The following SIRPG variants were observed in gnomAD, a reference collection of about 807,000 sequenced individuals.
SIRPG encodes signal-regulatory protein gamma.
Under a neutral mutation model 35.7 loss-of-function variants are expected in SIRPG, and 38 were observed. That is an observed-to-expected ratio of 1.06 (90% CI 0.82 to 1.40). The LOEUF (loss-of-function observed/expected upper bound fraction) is 1.40, where lower values mean the gene tolerates loss of function less well. Ranked by LOEUF, SIRPG falls within the 40% of genes most tolerant of loss-of-function variation. The pLI, the probability that SIRPG is intolerant of heterozygous loss-of-function variation, is 0.00. For missense variants in SIRPG, 519 were observed against 483.0 expected (o/e 1.07, Z -0.70); for synonymous variants, 215 against 190.4 (o/e 1.13, Z -1.06).
At chr20:1,673,577 G>A in the SIRPG span, among the ~76,000 whole-genome samples, 24 of 152,092 alleles carry the variant, frequency 1.6e-4, no homozygotes, top group Admixed American at 8.5e-4. Flanking sequence ...CAGAAACACC[G>A]AGAAAAGGCT....
At chr20:1,669,460 C>T in the SIRPG span, among the ~76,000 whole-genome samples, 9 of 152,234 alleles carry the variant, frequency 5.9e-5, no homozygotes, top group African/African-American at 1.7e-4. Context: ...TGACCAGTCA[C>T]GGTCCCCAGG....
At chr20:1,658,213 A>ATCT (rs2091985982), upstream of SIRPG, among the ~76,000 whole-genome samples, 1 of 152,210 alleles carries the variant, frequency 6.6e-6, no homozygotes. Context: ...GAGGAACCAG[A>ATCT]TCTTCTCCTG....
the SIRPG span, among the ~76,000 whole-genome samples, chr20:1,682,647 A>T: frequency 2.0e-5 from 3 of 152,224 alleles, no homozygotes; most frequent in African/African-American, 7.2e-5. Context: ...GTTATTGAGT[A>T]AACTGGATAT....
the SIRPG span, among the ~76,000 whole-genome samples, chr20:1,672,026 C>A: frequency 1.3e-5 from 2 of 152,282 alleles, no homozygotes; most frequent in East Asian, 1.9e-4. Context: ...CTATTCCCAA[C>A]AAGAGAGGGC....
intron 2 of SIRPG, chr20:1,637,743 G>T (rs990628823): frequency 6.6e-6 from 1 of 152,182 alleles, no homozygotes; most frequent in Non-Finnish European, 1.5e-5. Flanking sequence ...AAAGCCAAAG[G>T]TGGGTGATTT....
At chr20:1,648,751 C>T (rs575463288) in intron 2 of SIRPG, among the ~76,000 whole-genome samples, 1 of 152,342 alleles carries the variant, frequency 6.6e-6, no homozygotes, top group East Asian at 1.9e-4. Flanking sequence ...GCAAGTCACT[C>T]AATCTGTCAG....
Position 1,635,554 on chromosome 20 carries a change from T to G in SIRPG, c.794A>C (p.Asn265Thr), listed in dbSNP as rs970135212. ...CACCTGGCAGGTGACGTTTACCTGG[T>G]TCCCCACCCTCATGGGCTGTTGAGT... ...EVTQQPMRVG[N>T]QVNVTCQVRK... is the part of the protein sequence containing the mutation. The change falls in exon 4 of 6, where the codon AAC (asparagine) becomes ACC (threonine). Residue 265 changes from asparagine to threonine, a missense_variant. Physicochemically the swap from Asn to Thr is moderately conservative, Grantham distance 65 (BLOSUM62 0). Coordinates refer to ENST00000303415, the MANE Select transcript of SIRPG (RefSeq NM_018556.4). 4 of 1,614,016 alleles carry G rather than the reference T, an allele frequency of 2.5e-6. No individual in the cohort carries two copies. The African/African-American group carries it at 4.0e-5, about 16-fold the overall frequency.
intron 4 of SIRPG, among the ~76,000 whole-genome samples, chr20:1,634,334 G>A (rs1478900184): frequency 6.6e-6 from 1 of 151,744 alleles, no homozygotes; most frequent in African/African-American, 2.4e-5. Flanking sequence ...AGCCTCCCGA[G>A]TAGCTGGGAC....
chr20:1,685,366 TGAGGTCATTG>T, the SIRPG span, among the ~76,000 whole-genome samples: 1 of 152,048 alleles, frequency 6.6e-6, no homozygotes, highest in African/African-American at 2.4e-5. Flanking sequence ...TTTAGTTACA[TGAGGTCATTG>T]GGGGGGTCTT....
At chr20:1,675,740 C>A in the SIRPG span, among the ~76,000 whole-genome samples, 3 of 152,180 alleles carry the variant, frequency 2.0e-5, no homozygotes, top group African/African-American at 7.2e-5. Flanking sequence ...GGATTAGAGA[C>A]AAGTTCTGTT....
Position 1,635,538 on chromosome 20 carries a change from G to A in SIRPG, c.810C>T (p.Thr270=), listed in dbSNP as rs1269788116. ...GGGGGTAGAACTTCCTCACCTGGCA[G>A]GTGACGTTTACCTGGTTCCCCACCC... ...PMRVGNQVNV[T]CQVRKFYPQS... The change falls in exon 4 of 6, where the codon ACC becomes ACT. Residue 270 remains threonine, a synonymous_variant. Coordinates refer to ENST00000303415, the MANE Select transcript of SIRPG (RefSeq NM_018556.4). 1 of 1,614,054 alleles carries A rather than the reference G, an allele frequency of 6.2e-7. No individual in the cohort carries two copies. The highest frequency in any genetic ancestry group is 2.2e-5 in the East Asian group (1 of 44,902).
chr20:1,682,528 T>C, the SIRPG span, among the ~76,000 whole-genome samples: 1 of 152,182 alleles, frequency 6.6e-6, no homozygotes, highest in Admixed American at 6.5e-5. Flanking sequence ...ACATAATAAA[T>C]GCCATATGGG....
chr20:1,659,039 T>G (rs1265355572), upstream of SIRPG, among the ~76,000 whole-genome samples: 1 of 152,224 alleles, frequency 6.6e-6, no homozygotes, highest in Non-Finnish European at 1.5e-5. Flanking sequence ...TGTTAGAATA[T>G]GCACCTTGTA....
intron 1 of SIRPG, among the ~76,000 whole-genome samples, chr20:1,650,960 G>C (rs755422815): frequency 1.3e-5 from 2 of 152,184 alleles, no homozygotes; most frequent in African/African-American, 4.8e-5. Flanking sequence ...GGGATGATAT[G>C]TTCAAAATGC....
At chr20:1,631,393 C>T (rs929780279) in intron 4 of SIRPG, among the ~76,000 whole-genome samples, 5 of 152,136 alleles carry the variant, frequency 3.3e-5, no homozygotes, top group African/African-American at 1.2e-4. Flanking sequence ...AGGAAGGCCA[C>T]GCTTCTCTCC....
chr20:1,649,717 A>G (rs2091926510), intron 1 of SIRPG, among the ~76,000 whole-genome samples: 2 of 143,430 alleles, frequency 1.4e-5, no homozygotes, highest in African/African-American at 5.2e-5. Context: ...GCTCACGGCA[A>G]CTTCAACCTC....
chr20:1,675,428 C>A, the SIRPG span, among the ~76,000 whole-genome samples: 8 of 152,182 alleles, frequency 5.3e-5, no homozygotes, highest in African/African-American at 1.9e-4. Flanking sequence ...CCCCTCCTAC[C>A]CCTACAGGAC....
chr20:1,633,486 G>A (rs903981567), intron 4 of SIRPG: 3 of 152,156 alleles, frequency 2.0e-5, no homozygotes, highest in African/African-American at 7.2e-5. Flanking sequence ...TAATGATACT[G>A]GTTTTGTTAT....
chr20:1,663,112 G>C, the SIRPG span, among the ~76,000 whole-genome samples: 2 of 152,092 alleles, frequency 1.3e-5, no homozygotes, highest in Non-Finnish European at 2.9e-5. Context: ...AGGAGATCGA[G>C]ACCATCCTGG....
Sources: allele counts gnomAD v4.1 joint callset (sites outside exome capture counted in the v4.1 genomes callset), GRCh38; gene constraint gnomAD v4.1.1; transcripts MANE v1.5; gene names NCBI Gene and HGNC (gene_info 2026-07-23, HGNC 2026-07-21).